Variants in MTMR3 observed in about 807,000 individuals in gnomAD.
MTMR3 encodes myotubularin related protein 3, also known as phosphatidylinositol-3,5-bisphosphate 3-phosphatase MTMR3.
MTMR3 carries 32 observed loss-of-function variants against 132.4 expected under a neutral mutation model. The observed-to-expected ratio is 0.24, with a 90% confidence interval of 0.18 to 0.32. The LOEUF is 0.32. Among genes scored for constraint, MTMR3 ranks in the 10% least tolerant of loss-of-function variants. MTMR3 has a pLI of 1.00. For synonymous variants in MTMR3, 556 were observed against 550.3 expected (o/e 1.01, Z -0.14); for missense variants, 1,216 against 1,489.6 (o/e 0.82, Z 3.02).
At chr22:29,935,816 A>G (rs1451286136) in intron 1 of MTMR3, among the ~76,000 whole-genome samples, 2 of 140,368 alleles carry the variant, frequency 1.4e-5, no homozygotes, top group South Asian at 2.2e-4. Flanking sequence ...GCAGTGGTGC[A>G]ATCTCGGCTC....
chr22:29,949,641 C>T (rs1409519498), intron 1 of MTMR3, among the ~76,000 whole-genome samples: 1 of 151,678 alleles, frequency 6.6e-6, no homozygotes, highest in Non-Finnish European at 1.5e-5. Context: ...TTAATTTAAG[C>T]CTTATTAAAA....
chr22:29,924,568 T>C (rs75394925), intron 1 of MTMR3, among the ~76,000 whole-genome samples: 29 of 152,354 alleles, frequency 1.9e-4, no homozygotes, highest in African/African-American at 6.5e-4. Flanking sequence ...GTGTGAATTT[T>C]AGACTGAATT....
At chr22:29,914,173 A>G (rs1261056077) in intron 1 of MTMR3, among the ~76,000 whole-genome samples, 1 of 152,158 alleles carries the variant, frequency 6.6e-6, no homozygotes, top group East Asian at 1.9e-4. Context: ...TTGTAGGGTA[A>G]GTGTGTTTAT....
At chr22:29,928,510 A>G (rs1257627539) in intron 1 of MTMR3, among the ~76,000 whole-genome samples, 2 of 151,654 alleles carry the variant, frequency 1.3e-5, no homozygotes, top group African/African-American at 4.8e-5. Flanking sequence ...CAGTGCCCTT[A>G]TGTATGTATG....
At chr22:29,949,515 A>G (rs1419489254) in intron 1 of MTMR3, among the ~76,000 whole-genome samples, 1 of 145,262 alleles carries the variant, frequency 6.9e-6, no homozygotes, top group Non-Finnish European at 1.5e-5. Context: ...CCCCCAAAAA[A>G]AAAAAACAAC....
intron 12 of MTMR3, 125 bp from the exon 13 acceptor site, chr22:30,012,243 T>G: frequency 9.9e-7 from 1 of 1,012,772 alleles, no homozygotes; most frequent in South Asian, 1.6e-5. Flanking sequence ...GATTTTTTTG[T>G]TTTGGCAGTG....
intron 17 of MTMR3, 136 bp from the exon 18 acceptor site, chr22:30,021,893 T>G (rs1272930867): frequency 1.5e-6 from 1 of 662,038 alleles, no homozygotes; most frequent in African/African-American, 1.8e-5. Context: ...TCTTGATGGC[T>G]GATGCATCTG....
rs376572700 is a variant in MTMR3, at chr22:29,943,470, G to A, written c.-137-13566G>A. Among the ~76,000 whole-genome samples the A allele has an allele frequency of 4.6e-5, 7 of 152,232 alleles. No homozygotes were observed. The East Asian group carries it at 5.8e-4, about 13-fold the overall frequency. On this transcript the variant is annotated intron_variant, in intron 1 of 19. Transcript: ENST00000401950. ...CTCCCAAAGTGCTGGGATTACAGGCGTGAGCCACCGCGCCTGGCCTTGATG... is the reference window on the plus strand; with the variant it reads ...CTCCCAAAGTGCTGGGATTACAGGCATGAGCCACCGCGCCTGGCCTTGATG...
intron 1 of MTMR3, among the ~76,000 whole-genome samples, chr22:29,916,567 G>GCTGT (rs3049985): frequency 0.94 from 142,833 of 151,954 alleles, 67,220 homozygotes; most frequent in East Asian, 1. Context: ...ACAGTTCGGT[G>GCTGT]CTATTGTTCA....
chr22:29,906,249 T>C (rs5763593), intron 1 of MTMR3, among the ~76,000 whole-genome samples: 55,987 of 98,154 alleles, frequency 0.57, 12,372 homozygotes, highest in Middle Eastern at 0.65. Flanking sequence ...TCCATCCGTC[T>C]GTCTGTCTGT....
intron 17 of MTMR3, chr22:30,021,383 G>A (rs1160367252): frequency 1.2e-5 from 2 of 165,188 alleles, no homozygotes; most frequent in Non-Finnish European, 2.7e-5. Context: ...TGGAGAGAAG[G>A]GACTGGTTTC....
chr22:29,977,729 C>G (rs1293227985), intron 3 of MTMR3, among the ~76,000 whole-genome samples: 1 of 152,128 alleles, frequency 6.6e-6, no homozygotes, highest in Non-Finnish European at 1.5e-5. Flanking sequence ...TTACTCTTGC[C>G]CCAGTTATTT....
At chr22:29,903,155 G>A (rs893941130) in intron 1 of MTMR3, among the ~76,000 whole-genome samples, 6 of 152,184 alleles carry the variant, frequency 3.9e-5, no homozygotes, top group South Asian at 2.1e-4. Context: ...AACCCAGGAG[G>A]CGGAGGCTGT....
intron 1 of MTMR3, among the ~76,000 whole-genome samples, chr22:29,915,372 A>G (rs986951171): frequency 6.6e-6 from 1 of 152,108 alleles, no homozygotes. Flanking sequence ...TGTGATTAGC[A>G]CATAGTTAGG....
chr22:29,989,927 G>C (rs1253683092), intron 6 of MTMR3: 1 of 152,156 alleles, frequency 6.6e-6, no homozygotes, highest in Non-Finnish European at 1.5e-5. Context: ...ATTTGTATCT[G>C]CGCTTAACTA....
At position 30,019,916 on chromosome 22, in the gene MTMR3, C is replaced by T. The variant is rs973995749; in HGVS notation, c.2257C>T (p.His753Tyr). The change falls in exon 17 of 20, where the codon CAT becomes TAT. Residue 753 changes from histidine to tyrosine, a missense_variant. His to Tyr is a moderately conservative substitution (Grantham distance 83). Coordinates refer to ENST00000401950, the MANE Select transcript of MTMR3 (RefSeq NM_021090.4). ...PELGDAALRS[H>Y]LDMSWPLFSQ... ...ACTGGGTGATGCTGCTCTGAGGAGCCATCTGGATATGAGCTGGCCTCTGTT... is the reference window on the plus strand; with the variant it reads ...ACTGGGTGATGCTGCTCTGAGGAGCTATCTGGATATGAGCTGGCCTCTGTT... 2.5e-6 allele frequency: 4 copies of T among 1,614,178 alleles called. No homozygotes were observed. Among genetic ancestry groups the T allele is most frequent in the Non-Finnish European group, 2.5e-6 (3 of 1,180,026 alleles).
At chr22:29,970,951 T>TTCCCCTCTTTCCCCCCC in intron 2 of MTMR3, 25 bp from the exon 3 acceptor site, 2 of 680,380 alleles carry the variant, frequency 2.9e-6, no homozygotes, top group South Asian at 2.3e-5. Flanking sequence ...TTTTTCTTCT[T>TTCCCCTCTTTCCCCCCC]CCCCCTCTTC....
At chr22:29,954,059 CTTT>C (rs59781649) in intron 1 of MTMR3, among the ~76,000 whole-genome samples, 33 of 79,430 alleles carry the variant, frequency 4.2e-4, no homozygotes, top group African/African-American at 1.3e-3. Flanking sequence ...TCAAATGAGT[CTTT>C]TTTTTTTTTT....
rs1444852552 is a variant in MTMR3, at chr22:29,906,318, ATCTATCTATCTATCTG to A, written c.-138+22975_-138+22990del. Among the ~76,000 whole-genome samples, 393 of 125,108 alleles carry A rather than the reference ATCTATCTATCTATCTG, an allele frequency of 3.1e-3. 3 individuals are homozygous for A. The highest frequency in any genetic ancestry group is 0.015 in the African/African-American group (377 of 25,508). The allele number at this position is 125,108 out of a possible 152,430, so 82.1% of individuals were successfully genotyped here. A position where few individuals can be genotyped will look rare whatever the true frequency, so the allele number is the denominator to read the frequency against. ...TATCTATCTATCTATCTATCTATCT[ATCTATCTATCTATCTG>A]TCTATCTATCTATCTATGACGGAGT... On this transcript the variant is annotated intron_variant, in intron 1 of 19. Transcript: ENST00000401950.
Sources: allele counts gnomAD v4.1 joint callset (sites outside exome capture counted in the v4.1 genomes callset), GRCh38; gene constraint gnomAD v4.1.1; transcripts MANE v1.5; gene names NCBI Gene and HGNC (gene_info 2026-07-23, HGNC 2026-07-21).